Variants in CYP3A5 observed in about 807,000 individuals in gnomAD.
The protein encoded by CYP3A5 is cytochrome P450 family 3 subfamily A member 5.
CYP3A5 carries 51 observed loss-of-function variants against 55.9 expected under a neutral mutation model. That is an observed-to-expected ratio of 0.91 (90% confidence interval 0.73 to 1.15). CYP3A5 has a LOEUF of 1.15. Among genes scored for constraint, CYP3A5 ranks in the 50% most tolerant of loss-of-function variants. CYP3A5 has a pLI of 0.00. For missense variants in CYP3A5, 533 were observed against 596.6 expected (o/e 0.89, Z 1.11); for synonymous variants, 196 against 213.9 (o/e 0.92, Z 0.73).
In CYP3A5 at chr7:99,662,707, T is replaced by C; in HGVS notation, c.865+109A>G. On this transcript the variant is annotated intron_variant, in intron 9 of 12. Coordinates refer to ENST00000222982, the MANE Select transcript of CYP3A5 (RefSeq NM_000777.5). The surrounding 1 kb of genome is among the most constrained non-coding windows in gnomAD (Gnocchi z 4.3). The stretch of plus-strand genomic sequence containing the variant: ...AACATCTAAATGTGTGTTGTTCTGC[T>C]ATGTGGCAAAAATTCTCATCTTCCT... 9.5e-7 allele frequency: 1 copy of C among 1,057,848 alleles called. No homozygotes were observed. Among genetic ancestry groups the C allele is most frequent in the Non-Finnish European group, 1.4e-6 (1 of 695,962 alleles). The allele number at this position is 1,057,848 out of a possible 1,614,324, so 65.5% of individuals were successfully genotyped here. A position where few individuals can be genotyped will look rare whatever the true frequency, so the allele number is the denominator to read the frequency against.
At chr7:99,658,773 G>A (rs1810056925) in intron 10 of CYP3A5, 1 of 152,192 alleles carries the variant, frequency 6.6e-6, no homozygotes, top group African/African-American at 2.4e-5. Context: ...TGGAGGCTTT[G>A]TTCCTTTCTT....
intron 10 of CYP3A5, among the ~76,000 whole-genome samples, chr7:99,657,523 T>C (rs1170506819): frequency 6.6e-6 from 1 of 152,228 alleles, no homozygotes; most frequent in Non-Finnish European, 1.5e-5. Flanking sequence ...AATTTTGGAA[T>C]AGGTGTGGTG....
At chr7:99,676,509 T>G (rs1359516971) in intron 1 of CYP3A5, 4 of 1,381,522 alleles carry the variant, frequency 2.9e-6, no homozygotes, top group Admixed American at 3.7e-5. Context: ...CAGGAATTCT[T>G]CCAGGACACT....
intron 11 of CYP3A5, 23 bp downstream of exon 11, chr7:99,652,530 T>G: frequency 6.4e-7 from 1 of 1,558,128 alleles, no homozygotes; most frequent in Non-Finnish European, 8.8e-7. Context: ...CAGGGTGAGC[T>G]CCATTTCCCT....
intron 11 of CYP3A5, among the ~76,000 whole-genome samples, chr7:99,651,418 T>C (rs1809176013): frequency 6.6e-6 from 1 of 152,154 alleles, no homozygotes; most frequent in Non-Finnish European, 1.5e-5. Flanking sequence ...TGATTCAAAG[T>C]GAAGTACAGC....
In CYP3A5 at chr7:99,652,647, A is replaced by T. The variant is rs1444767274; in HGVS notation, c.1159T>A (p.Phe387Ile). 1 of 1,614,076 alleles carries T rather than the reference A, an allele frequency of 6.2e-7. No individual in the cohort carries two copies. Among genetic ancestry groups the T allele is most frequent in the Middle Eastern group, 1.6e-4 (1 of 6,062 alleles). ...ACCACCATTGACCCTTTGGGAATGA[A>T]TACCCCATTGATTTCAACATCTTTC... ...CKKDVEINGV[F>I]IPKGSMVVIP... Residue 387 changes from phenylalanine (F) to isoleucine (I), a missense_variant, in exon 11 of 13, where the codon TTC becomes ATC. Transcript: ENST00000222982.
At chr7:99,674,487 C>T in intron 3 of CYP3A5, 46 bp downstream of exon 3, 2 of 1,509,904 alleles carry the variant, frequency 1.3e-6, no homozygotes, top group African/African-American at 1.4e-5. Flanking sequence ...GGGGTAACCT[C>T]CTCACAGTAG....
intron 12 of CYP3A5, among the ~76,000 whole-genome samples, chr7:99,648,885 A>G (rs1204950818): frequency 6.6e-6 from 1 of 152,194 alleles, no homozygotes; most frequent in African/African-American, 2.4e-5. Context: ...TGAACCCATC[A>G]AGTGCAATGA....
intron 10 of CYP3A5, 117 bp downstream of exon 10, chr7:99,660,382 T>C (rs1199837481): frequency 2.0e-6 from 3 of 1,471,698 alleles, no homozygotes; most frequent in Non-Finnish European, 9.0e-7. Flanking sequence ...TCCTACATTA[T>C]GTCAGTGAAG....
rs1040546911 is a variant in CYP3A5, at chr7:99,648,287, A to G, written c.*18T>C. 4.4e-6 allele frequency: 7 copies of G among 1,606,358 alleles called. No homozygotes were observed. Among genetic ancestry groups the G allele is most frequent in the Non-Finnish European group, 5.9e-6 (7 of 1,176,708 alleles). On this transcript the variant is annotated 3_prime_UTR_variant, in exon 13 of 13. Coordinates refer to ENST00000222982, the MANE Select transcript of CYP3A5 (RefSeq NM_000777.5). ...GCACAGCTTTCTTGAAGACCAAAGT[A>G]GAAATCCTTAGAATAACTCATTCTC...
intron 8 of CYP3A5, chr7:99,663,454 C>T (rs1810645378): frequency 1.0e-6 from 1 of 989,884 alleles, no homozygotes; most frequent in South Asian, 4.6e-5. Flanking sequence ...GTTAGCCAGC[C>T]TTGCAACCTC....
intron 12 of CYP3A5, among the ~76,000 whole-genome samples, chr7:99,649,699 C>T (rs1417495052): frequency 6.6e-6 from 1 of 152,232 alleles, no homozygotes. Context: ...TTGAGAACCA[C>T]TGTCATGAGA....
chr7:99,672,907 G>A, intron 3 of CYP3A5: 1 of 1,344,446 alleles, frequency 7.4e-7, no homozygotes, highest in Non-Finnish European at 9.5e-7. Flanking sequence ...TCCAAACAGG[G>A]AAGAGATATT....
chr7:99,664,015 T>G lies in CYP3A5; in HGVS notation c.751A>C (p.Lys251Gln), dbSNP rs1339279699. The G allele has an allele frequency of 6.3e-7, 1 of 1,599,314 alleles. No individual in the cohort carries two copies. The highest frequency in any genetic ancestry group is 2.2e-5 in the East Asian group (1 of 44,592). The change falls in exon 8 of 13, where the codon AAA becomes CAA. Residue 251 changes from lysine (K) to glutamine (Q), a missense_variant. By Grantham distance (53) the Lys-to-Gln change is moderately conservative. Coordinates refer to ENST00000222982, the MANE Select transcript of CYP3A5 (RefSeq NM_000777.5). ...FPKDTINFLS[K>Q]SVNRMKKSRL... ...CTTTTCTTCATTCTGTTTACAGATT[T>G]ACTTAAAAAATTTATGGTATCTTTT... is the stretch of plus-strand genomic sequence containing the variant.
intron 10 of CYP3A5, among the ~76,000 whole-genome samples, chr7:99,656,824 C>T (rs1233340615): frequency 2.0e-5 from 3 of 152,060 alleles, no homozygotes; most frequent in Admixed American, 6.5e-5. Context: ...GTGTATGTGT[C>T]GAGGAATTTA....
rs990972369 is a variant in CYP3A5 at position 99,660,159 on chromosome 7, C to T, written c.1026+340G>A. ...AATCATTCGTCTTCTGTGTTGCTCACGCTGGGAGCTGTAGACTGGAGCTGT... is the reference window on the plus strand; with the variant it reads ...AATCATTCGTCTTCTGTGTTGCTCATGCTGGGAGCTGTAGACTGGAGCTGT... On this transcript the variant is annotated intron_variant, in intron 10 of 12. Transcript: ENST00000222982. 3.8e-5 allele frequency: 35 copies of T among 909,990 alleles called. No homozygotes were observed. The African/African-American group carries it at 3.9e-4, about 10-fold the overall frequency. 56.4% of individuals were successfully genotyped at this position (909,990 alleles called of 1,614,324 possible). A position where few individuals can be genotyped will look rare whatever the true frequency, so the allele number is the denominator to read the frequency against.
intron 4 of CYP3A5, among the ~76,000 whole-genome samples, chr7:99,668,904 TA>T (rs1380639924): frequency 6.6e-6 from 1 of 152,210 alleles, no homozygotes; most frequent in Non-Finnish European, 1.5e-5. Flanking sequence ...ATTTGGCAAG[TA>T]AAACCCAGCA....
intron 1 of CYP3A5, chr7:99,677,166 T>G (rs1584479461): frequency 3.0e-6 from 3 of 985,428 alleles, no homozygotes; most frequent in African/African-American, 1.7e-5. Flanking sequence ...ATGAGTCATG[T>G]GCAAACTCCT....
chr7:99,662,689 A>G lies in CYP3A5; in HGVS notation c.865+127T>C. ...CCTCCAGCTACCATTTATAACATCT[A>G]AATGTGTGTTGTTCTGCTATGTGGC... On this transcript the variant is annotated intron_variant, in intron 9 of 12. Transcript: ENST00000222982. This position sits in a 1 kb window ranked among gnomAD's most constrained non-coding sequence, Gnocchi z 4.3. 2 of 868,760 alleles carry G rather than the reference A, an allele frequency of 2.3e-6. No individual in the cohort carries two copies. The highest frequency in any genetic ancestry group is 3.1e-5 in the South Asian group (2 of 64,370). 53.8% of individuals were successfully genotyped at this position (868,760 alleles called of 1,614,324 possible).
Sources: allele counts gnomAD v4.1 joint callset (sites outside exome capture counted in the v4.1 genomes callset), GRCh38; gene constraint gnomAD v4.1.1; non-coding constraint Gnocchi (gnomAD v3.1); transcripts MANE v1.5; gene names NCBI Gene and HGNC (gene_info 2026-07-23, HGNC 2026-07-21).